Variants in NAV2 observed in about 807,000 individuals in gnomAD.
NAV2 encodes helicase, APC down-regulated 1.
In NAV2, 54 loss-of-function variants were observed where a neutral mutation model predicts 223.2. The ratio of observed to expected loss-of-function variants is 0.24; its 90% CI spans 0.19 to 0.30. The LOEUF (loss-of-function observed/expected upper bound fraction) is 0.30. Ranked by LOEUF, NAV2 falls within the 10% of genes least tolerant of loss-of-function variation. The pLI is 1.00. For synonymous variants in NAV2, 1,279 were observed against 1,239.3 expected, an observed-to-expected ratio of 1.03 and a Z score of -0.67; for missense variants, 2,806 against 3,147.5, an observed-to-expected ratio of 0.89 and a Z score of 2.60.
chr11:19,709,646 C>T (rs1401195547), upstream of NAV2, among the ~76,000 whole-genome samples: 1 of 151,092 alleles, frequency 6.6e-6, no homozygotes, highest in African/African-American at 2.4e-5. Context: ...ACCAGCCTGA[C>T]CAATATGACG....
At chr11:20,074,760 CTTTT>C (rs1554948003) in intron 22 of NAV2, among the ~76,000 whole-genome samples, 2 of 110,254 alleles carry the variant, frequency 1.8e-5, no homozygotes, top group African/African-American at 7.7e-5. Flanking sequence ...TGCAACTCTG[CTTTT>C]TTTTTTTTTT....
At chr11:19,786,806 A>G (rs1188298453) in intron 1 of NAV2, among the ~76,000 whole-genome samples, 2 of 152,194 alleles carry the variant, frequency 1.3e-5, no homozygotes, top group African/African-American at 4.8e-5. Context: ...TAGAGGGAAG[A>G]CACTTCTACA....
intron 12 of NAV2, among the ~76,000 whole-genome samples, chr11:20,042,079 G>A (rs376957784): frequency 3.3e-5 from 5 of 152,126 alleles, no homozygotes; most frequent in South Asian, 2.1e-4. Flanking sequence ...CTGACCCTCC[G>A]TGGTGCCTGG....
rs974449287 is a variant in NAV2, at chr11:19,465,845, G to A, written c.75+114818G>A. Among the ~76,000 whole-genome samples the A allele has an allele frequency of 2.6e-5, 4 of 152,310 alleles. No individual in the cohort carries two copies. In the South Asian group the frequency reaches 8.3e-4, roughly 32 times the overall value. On this transcript the variant is annotated intron_variant, in intron 1 of 37. Coordinates refer to the NAV2 transcript ENST00000360655. ...TCAAATTCAGCTGTCTGATTCCTTT[G>A]CTCTTTCTAATATTTTAGGATTAGA... is the stretch of plus-strand genomic sequence containing the variant.
chr11:19,825,244 A>T (rs1428373656), intron 1 of NAV2, among the ~76,000 whole-genome samples: 1 of 147,014 alleles, frequency 6.8e-6, no homozygotes, highest in Non-Finnish European at 1.5e-5. Flanking sequence ...GTGAGCCAAG[A>T]TCACACCCCT....
intron 35 of NAV2, among the ~76,000 whole-genome samples, chr11:20,107,042 C>A (rs1047068276): frequency 1.6e-5 from 2 of 128,166 alleles, no homozygotes; most frequent in African/African-American, 3.0e-5. Flanking sequence ...TTTGGACTTG[C>A]AGTCATGGGC....
rs540278893 is a variant in NAV2 at position 19,371,846 on chromosome 11, C to T, written c.75+20819C>T. ...GAGCTGGAGTACAGTGGTGCAATCTCGGCTTACTGCAACCTCCTCCTCCTG... is the reference window on the plus strand; with the variant it reads ...GAGCTGGAGTACAGTGGTGCAATCTTGGCTTACTGCAACCTCCTCCTCCTG... On this transcript the variant is annotated intron_variant, in intron 1 of 37. Transcript: ENST00000360655. 2.3e-3 allele frequency among the ~76,000 whole-genome samples: 344 copies of T among 148,572 alleles called. 3 individuals are homozygous for T. Among genetic ancestry groups the T allele is most frequent in the African/African-American group, 8.1e-3 (327 of 40,156 alleles).
chr11:19,619,179 T>G (rs571299747), intron 1 of NAV2, among the ~76,000 whole-genome samples: 6 of 151,722 alleles, frequency 4.0e-5, no homozygotes, highest in African/African-American at 1.5e-4. Context: ...TTGGGTTGGT[T>G]CCAAGTCTTT....
intron 6 of NAV2, among the ~76,000 whole-genome samples, chr11:19,928,429 G>A (rs1012097851): frequency 6.6e-6 from 1 of 152,202 alleles, no homozygotes; most frequent in African/African-American, 2.4e-5. Flanking sequence ...GGGGGATACA[G>A]ATGTTCAAAA....
intron 4 of NAV2, among the ~76,000 whole-genome samples, chr11:19,874,946 C>T (rs753197567): frequency 2.6e-4 from 39 of 152,184 alleles, no homozygotes; most frequent in Non-Finnish European, 5.1e-4. Flanking sequence ...CACCTGAGGT[C>T]GAGAGTTCAA....
intron 1 of NAV2, among the ~76,000 whole-genome samples, chr11:19,416,342 AC>A (rs1363226324): frequency 6.6e-6 from 1 of 152,238 alleles, no homozygotes; most frequent in Non-Finnish European, 1.5e-5. Flanking sequence ...ACTCCCATTC[AC>A]AATTGCTACA....
At chr11:20,029,964 C>A (rs1770529051) in intron 11 of NAV2, among the ~76,000 whole-genome samples, 1 of 152,108 alleles carries the variant, frequency 6.6e-6, no homozygotes, top group South Asian at 2.1e-4. Flanking sequence ...TATCTTCTAG[C>A]CATTTCTCTA....
At chr11:19,791,582 T>C (rs549047870) in intron 1 of NAV2, among the ~76,000 whole-genome samples, 3 of 152,304 alleles carry the variant, frequency 2.0e-5, no homozygotes, top group African/African-American at 7.2e-5. Flanking sequence ...GCTGCAGAGT[T>C]CTTCCCTCCC....
chr11:19,655,159 C>G (rs2048084374), intron 1 of NAV2, among the ~76,000 whole-genome samples: 1 of 152,094 alleles, frequency 6.6e-6, no homozygotes, highest in Non-Finnish European at 1.5e-5. Context: ...CATCACTGGC[C>G]ATCAGAGACA....
chr11:19,576,342 C>A (rs989402698), intron 1 of NAV2, among the ~76,000 whole-genome samples: 1 of 152,154 alleles, frequency 6.6e-6, no homozygotes, highest in African/African-American at 2.4e-5. Flanking sequence ...CCAAGGCAAG[C>A]GAACAGATTT....
At chr11:19,999,662 CA>C (rs1435665019) in intron 11 of NAV2, among the ~76,000 whole-genome samples, 2 of 152,148 alleles carry the variant, frequency 1.3e-5, no homozygotes, top group Admixed American at 1.3e-4. Flanking sequence ...TGAGTCACCG[CA>C]CTGGGCCAGG....
chr11:19,468,355 C>G (rs1449003476), intron 1 of NAV2, among the ~76,000 whole-genome samples: 1 of 152,214 alleles, frequency 6.6e-6, no homozygotes, highest in Middle Eastern at 3.2e-3. Flanking sequence ...AGTCCAAAAT[C>G]TAGGTGTTGG....
At chr11:19,435,484 G>GC (rs1353623375) in intron 1 of NAV2, among the ~76,000 whole-genome samples, 2 of 152,088 alleles carry the variant, frequency 1.3e-5, no homozygotes, top group Non-Finnish European at 2.9e-5. Context: ...CTGTTGATGG[G>GC]CATTTCAATT....
At chr11:20,106,161 ATATATATATATATATGTGTGTG>A (rs1269697458) in intron 35 of NAV2, among the ~76,000 whole-genome samples, 78 of 10,618 alleles carry the variant, frequency 7.3e-3, no homozygotes, top group African/African-American at 9.1e-3. Flanking sequence ...GTGTGTATAT[ATATATATATATATATGTGTGTG>A]TATATATATA....
Sources: gnomAD v4.1 joint callset for allele counts (sites outside exome capture counted in the v4.1 genomes callset) on GRCh38, gnomAD v4.1.1 for gene constraint, MANE v1.5 for transcripts, NCBI Gene and HGNC (gene_info 2026-07-23, HGNC 2026-07-21) for gene names.